Variants in ASTN1 observed in about 807,000 individuals in gnomAD.
The protein encoded by ASTN1 is astrotactin 1.
ASTN1 carries 41 observed loss-of-function variants against 140.7 expected under a neutral mutation model. That is an observed-to-expected ratio of 0.29 (90% CI 0.23 to 0.38). The LOEUF (loss-of-function observed/expected upper bound fraction) is 0.38. Among genes scored for constraint, ASTN1 ranks in the 10% least tolerant of loss-of-function variants. ASTN1 has a pLI of 1.00. For missense variants in ASTN1, 1,479 were observed against 1,678.8 expected, an observed-to-expected ratio of 0.88 and a Z score of 2.08; for synonymous variants, 640 against 652.2, an observed-to-expected ratio of 0.98 and a Z score of 0.29.
chr1:177,044,787 A>AC (rs1677142268), intron 2 of ASTN1, among the ~76,000 whole-genome samples: 1 of 152,156 alleles, frequency 6.6e-6, no homozygotes, highest in East Asian at 1.9e-4. Flanking sequence ...GTTTTCCTGA[A>AC]CCCATGGGGT....
chr1:177,104,019 G>A (rs7521610), intron 1 of ASTN1, among the ~76,000 whole-genome samples: 1 of 151,800 alleles, frequency 6.6e-6, no homozygotes, highest in Non-Finnish European at 1.5e-5. Flanking sequence ...GTGCAGTAAC[G>A]CATCCAACAA....
chr1:177,140,417 T>C (rs901659832), intron 1 of ASTN1, among the ~76,000 whole-genome samples: 1 of 152,182 alleles, frequency 6.6e-6, no homozygotes, highest in Non-Finnish European at 1.5e-5. Flanking sequence ...GATGGATAAG[T>C]GAATAAAATA....
chr1:176,957,136 G>A (rs1005291253), intron 11 of ASTN1, among the ~76,000 whole-genome samples: 2 of 151,882 alleles, frequency 1.3e-5, no homozygotes, highest in Non-Finnish European at 2.9e-5. Flanking sequence ...ACTCCTGGCT[G>A]CAAGTGACTC....
At chr1:176,996,681 T>G (rs1674465542) in intron 8 of ASTN1, among the ~76,000 whole-genome samples, 1 of 152,190 alleles carries the variant, frequency 6.6e-6, no homozygotes, top group African/African-American at 2.4e-5. Flanking sequence ...TGCAATCCTC[T>G]GGTGCACAAG....
chr1:177,118,346 G>A (rs548341736), intron 1 of ASTN1, among the ~76,000 whole-genome samples: 6 of 152,156 alleles, frequency 3.9e-5, no homozygotes, highest in South Asian at 2.1e-4. Flanking sequence ...CAATTATCAC[G>A]AATTAACATG....
intron 1 of ASTN1, among the ~76,000 whole-genome samples, chr1:177,103,151 C>T (rs1680380224): frequency 1.3e-5 from 2 of 152,204 alleles, no homozygotes; most frequent in Admixed American, 6.5e-5. Flanking sequence ...GCAGAAAGCA[C>T]TGAGTGATGC....
At chr1:177,092,714 T>C (rs1451580376) in intron 1 of ASTN1, among the ~76,000 whole-genome samples, 1 of 152,206 alleles carries the variant, frequency 6.6e-6, no homozygotes, top group Admixed American at 6.5e-5. Flanking sequence ...ATTGTTTCCA[T>C]GTGATAGGCA....
At chr1:177,133,185 A>T (rs1457703354) in intron 1 of ASTN1, among the ~76,000 whole-genome samples, 2 of 152,220 alleles carry the variant, frequency 1.3e-5, no homozygotes, top group Non-Finnish European at 2.9e-5. Flanking sequence ...AATAATTAGA[A>T]CTGGAAGAAC....
chr1:176,876,337 A>G (rs1668560167), intron 21 of ASTN1, among the ~76,000 whole-genome samples, 200 bp downstream of exon 21: 1 of 152,114 alleles, frequency 6.6e-6, no homozygotes, highest in South Asian at 2.1e-4. Context: ...GTGTGGAGTA[A>G]TGCAATACGA....
intron 1 of ASTN1, among the ~76,000 whole-genome samples, chr1:177,062,419 A>AT (rs538613288): frequency 2.4e-4 from 36 of 150,862 alleles, no homozygotes; most frequent in African/African-American, 7.8e-4. Context: ...TTGTTTTTTT[A>AT]TTTTTTGTAG....
At chr1:176,876,411 G>T in intron 21 of ASTN1, 126 bp downstream of exon 21, 1 of 1,000,328 alleles carries the variant, frequency 1.0e-6, no homozygotes, top group Non-Finnish European at 1.5e-6. Context: ...ACTGGGCCTT[G>T]AATTCTCCTT....
chr1:176,915,606 TAC>T (rs373147553), intron 16 of ASTN1, among the ~76,000 whole-genome samples: 1 of 152,210 alleles, frequency 6.6e-6, no homozygotes. Flanking sequence ...CCTGCTGTCG[TAC>T]ACAGCTTCCG....
intron 8 of ASTN1, among the ~76,000 whole-genome samples, chr1:176,966,563 C>G (rs1486132555): frequency 2.0e-5 from 3 of 152,168 alleles, no homozygotes; most frequent in African/African-American, 7.2e-5. Flanking sequence ...TTTCAATACA[C>G]AGTGAATTTT....
chr1:176,883,487 C>T (rs1016608597), intron 19 of ASTN1, among the ~76,000 whole-genome samples: 1 of 152,178 alleles, frequency 6.6e-6, no homozygotes, highest in African/African-American at 2.4e-5. Flanking sequence ...AGGCACAACG[C>T]CTGGCCTGGG....
chr1:176,961,865 G>A (rs1463566684), intron 9 of ASTN1, among the ~76,000 whole-genome samples: 1 of 152,122 alleles, frequency 6.6e-6, no homozygotes, highest in African/African-American at 2.4e-5. Flanking sequence ...GCCTTCTCTG[G>A]AGACAGCTGG....
intron 17 of ASTN1, among the ~76,000 whole-genome samples, chr1:176,889,993 A>G (rs1669193828): frequency 6.6e-6 from 1 of 152,232 alleles, no homozygotes. Flanking sequence ...CCTTTGAGAT[A>G]GGTAGAATAA....
At chr1:177,004,245 G>C (rs1477333414) in intron 8 of ASTN1, among the ~76,000 whole-genome samples, 1 of 151,750 alleles carries the variant, frequency 6.6e-6, no homozygotes, top group Non-Finnish European at 1.5e-5. Context: ...AAAATACCTA[G>C]GAAAATACTT....
At chr1:177,067,763 G>C (rs1678437052) in intron 1 of ASTN1, among the ~76,000 whole-genome samples, 1 of 152,114 alleles carries the variant, frequency 6.6e-6, no homozygotes, top group Non-Finnish European at 1.5e-5. Flanking sequence ...CATAATGACA[G>C]GAGCACATTA....
Position 176,871,306 on chromosome 1 carries a change from G to A in ASTN1, c.3464-2279C>T, listed in dbSNP as rs566553386. On this transcript the variant is annotated intron_variant, in intron 21 of 22. Coordinates refer to ENST00000361833, the MANE Select transcript of ASTN1 (RefSeq NM_004319.3). ...GCGCTTGCTGAGAGAAGAATGACCG[G>A]GGGAGGAAAAATGCTGGTGATAAGA... Among the ~76,000 whole-genome samples the A allele has an allele frequency of 2.6e-5, 4 of 152,270 alleles. No homozygotes were observed. In the South Asian group the frequency reaches 8.3e-4, roughly 32 times the overall value.
Sources: allele counts gnomAD v4.1 joint callset (sites outside exome capture counted in the v4.1 genomes callset), GRCh38; gene constraint gnomAD v4.1.1; transcripts MANE v1.5; gene names NCBI Gene and HGNC (gene_info 2026-07-23, HGNC 2026-07-21).